LRIG3: variants seen among roughly 807,000 people sequenced by gnomAD.
The protein encoded by LRIG3 is leucine rich repeats and immunoglobulin like domains 3.
A neutral mutation model predicts 114.5 loss-of-function variants in LRIG3; 76 were observed. That is an observed-to-expected ratio of 0.66 (90% CI 0.55 to 0.80). LRIG3 has a LOEUF of 0.80. Among genes scored for constraint, LRIG3 ranks in the 30% least tolerant of loss-of-function variants. The probability of loss-of-function intolerance (pLI) is 0.00; values close to 1 mark genes in which losing one functional copy is unlikely to be tolerated. For missense variants in LRIG3, 1,239 were observed against 1,382.8 expected (o/e 0.90, Z 1.65); for synonymous variants, 512 against 519.8 (o/e 0.98, Z 0.20).
At chr12:58,906,226 T>A (rs1416799005) in intron 3 of LRIG3, among the ~76,000 whole-genome samples, 1 of 152,170 alleles carries the variant, frequency 6.6e-6, no homozygotes, top group Non-Finnish European at 1.5e-5. Context: ...ATAATTAATA[T>A]GAAAAACTGA....
At chr12:58,913,810 G>A in intron 3 of LRIG3, 172 bp downstream of exon 3, 1 of 570,934 alleles carries the variant, frequency 1.8e-6, no homozygotes, top group Non-Finnish European at 3.0e-6. Flanking sequence ...ATTTAGCAGT[G>A]AGAGAGTTAG....
chr12:58,907,675 TAAAC>T (rs1872117290), intron 3 of LRIG3, among the ~76,000 whole-genome samples: 1 of 152,186 alleles, frequency 6.6e-6, no homozygotes, highest in Non-Finnish European at 1.5e-5. Flanking sequence ...TTTTCACAGA[TAAAC>T]AAAGAAAAGT....
intron 1 of LRIG3, among the ~76,000 whole-genome samples, chr12:58,919,128 C>T (rs1872580389): frequency 6.6e-6 from 1 of 152,186 alleles, no homozygotes; most frequent in South Asian, 2.1e-4. Context: ...TTTTACAGCA[C>T]TCCAATTTTA....
In LRIG3 at chr12:58,887,741, T is replaced by A. The variant is rs1295310797; in HGVS notation, c.1091+48A>T. ...TCTGCTAGGAGAAAAGTGGGCATAT[T>A]TAGGAACCAATTACGTTCGAGTACT... On this transcript the variant is annotated intron_variant, in intron 8 of 18. Transcript: ENST00000320743. The A allele has an allele frequency of 3.8e-6, 6 of 1,595,190 alleles. No homozygotes were observed. In the Admixed American group the frequency reaches 8.5e-5, roughly 23 times the overall value.
At chr12:58,919,390 C>T (rs1447472624) in intron 1 of LRIG3, 2 of 1,551,482 alleles carry the variant, frequency 1.3e-6, no homozygotes, top group African/African-American at 1.4e-5. Flanking sequence ...TAGCTACCGA[C>T]CAGTCTTTAC....
chr12:58,907,508 G>A (rs914709629), intron 3 of LRIG3, among the ~76,000 whole-genome samples: 2 of 152,054 alleles, frequency 1.3e-5, no homozygotes, highest in African/African-American at 2.4e-5. Context: ...AATCCACTTT[G>A]GCCCACTGCC....
At chr12:58,909,519 T>C (rs1174038412) in intron 3 of LRIG3, among the ~76,000 whole-genome samples, 1 of 152,224 alleles carries the variant, frequency 6.6e-6, no homozygotes, top group Non-Finnish European at 1.5e-5. Flanking sequence ...CTGGGTGTCC[T>C]AGCACTTAAA....
In LRIG3 at chr12:58,886,869, A is replaced by C. The variant is rs774119971; in HGVS notation, c.1113T>G (p.Ile371Met). The C allele has an allele frequency of 6.2e-7, 1 of 1,613,488 alleles. No homozygotes were observed. The highest frequency in any genetic ancestry group is 2.2e-5 in the East Asian group (1 of 44,852). ...LKTLDLKNNE[I>M]SWTIEDMNGA... The stretch of plus-strand genomic sequence containing the variant: ...CATTCATGTCTTCAATAGTCCAGGA[A>C]ATTTCATTGTTCTTCAGATCCCTAA... The change falls in exon 9 of 19, where the codon ATT (isoleucine) becomes ATG (methionine). Residue 371 changes from isoleucine (I) to methionine (M), a missense_variant. Coordinates refer to ENST00000320743, the MANE Select transcript of LRIG3 (RefSeq NM_153377.5).
intron 3 of LRIG3, among the ~76,000 whole-genome samples, chr12:58,892,072 C>T (rs980815526): frequency 6.6e-6 from 1 of 151,492 alleles, no homozygotes; most frequent in African/African-American, 2.4e-5. Flanking sequence ...TTTCAAAGTT[C>T]TTCAAAAGTC....
Position 58,920,292 on chromosome 12 carries a change from C to G in LRIG3, c.-57G>C. ...GCTCCCAGCCGGCGCGCGCTCGGGG[C>G]CCGGCACAAACTTCCAGCCGAGGGT... On this transcript the variant is annotated 5_prime_UTR_variant, in exon 1 of 19. Transcript: ENST00000320743. 1 of 1,265,294 alleles carries G rather than the reference C, an allele frequency of 7.9e-7. No homozygotes were observed. 78.4% of individuals were successfully genotyped at this position (1,265,294 alleles called of 1,614,324 possible).
Position 58,877,413 on chromosome 12 carries a change from G to A in LRIG3, c.2523C>T (p.Ser841=). 1 of 1,613,814 alleles carries A rather than the reference G, an allele frequency of 6.2e-7. No individual in the cohort carries two copies. Among genetic ancestry groups the A allele is most frequent in the Non-Finnish European group, 8.5e-7 (1 of 1,179,766 alleles). ...YHTRRRNEDC[S]ITNTDETNLP... is the part of the protein sequence containing the mutation. ...CTGTTTACACACCTGTGTTGGTAAT[G>A]CTGCAATCTTCATTCCTCCGCCTTG... Residue 841 remains serine (S), a synonymous_variant, in exon 15 of 19, where the codon AGC becomes AGT. Coordinates refer to ENST00000320743, the MANE Select transcript of LRIG3 (RefSeq NM_153377.5).
chr12:58,908,410 G>A (rs982695050), intron 3 of LRIG3, among the ~76,000 whole-genome samples: 6 of 152,154 alleles, frequency 3.9e-5, no homozygotes, highest in Non-Finnish European at 8.8e-5. Flanking sequence ...GGGCACAGGG[G>A]CCGTGAAAAA....
intron 12 of LRIG3, 136 bp downstream of exon 12, chr12:58,882,733 G>C (rs545030685): frequency 1.2e-6 from 1 of 869,332 alleles, no homozygotes; most frequent in East Asian, 2.8e-5. Flanking sequence ...GCAAACTATA[G>C]ACCCATTTTC....
intron 3 of LRIG3, among the ~76,000 whole-genome samples, chr12:58,906,410 ATTACT>A (rs977948411): frequency 5.3e-5 from 8 of 152,122 alleles, no homozygotes; most frequent in South Asian, 2.1e-4. Flanking sequence ...AAATATCAAT[ATTACT>A]TTAAAGTTAT....
Position 58,888,567 on chromosome 12 carries a change from T to C in LRIG3, c.804-95A>G, listed in dbSNP as rs1292919954. On this transcript the variant is annotated intron_variant, in intron 6 of 18. Coordinates refer to ENST00000320743, the MANE Select transcript of LRIG3 (RefSeq NM_153377.5). ...GATTACAACCTATTACAGATTCCTA[T>C]TGTTATTAGATGTTTAGCTTTTGTT... The C allele has an allele frequency of 1.1e-5, 17 of 1,481,956 alleles. No individual in the cohort carries two copies. In the Admixed American group the frequency reaches 2.3e-4, roughly 20 times the overall value. 91.8% of individuals were successfully genotyped at this position (1,481,956 alleles called of 1,614,324 possible).
Position 58,886,824 on chromosome 12 carries a change from G to T in LRIG3, c.1158C>A (p.Asp386Glu). 6.2e-7 allele frequency: 1 copy of T among 1,613,514 alleles called. No individual in the cohort carries two copies. The highest frequency in any genetic ancestry group is 1.1e-5 in the South Asian group (1 of 91,034). ...TTCATACTCACAGTCGCCTCAGTTT[G>T]TCAAGCCCAGAGAAAGCACCATTCA... ...EDMNGAFSGLDKLRRLILQGN... is the reference protein window; with the variant it reads ...EDMNGAFSGLEKLRRLILQGN... The change falls in exon 9 of 19, where the codon GAC becomes GAA. Residue 386 changes from aspartate (D) to glutamate (E), a missense_variant. By Grantham distance (45) the Asp-to-Glu change is conservative (BLOSUM62 2). Coordinates refer to ENST00000320743, the MANE Select transcript of LRIG3 (RefSeq NM_153377.5).
At chr12:58,919,409 T>C (rs1413185474) in intron 1 of LRIG3, 5 of 1,551,590 alleles carry the variant, frequency 3.2e-6, no homozygotes, top group Non-Finnish European at 4.4e-6. Flanking sequence ...ACAATCTGGT[T>C]GAGGAGTGGG....
At chr12:58,883,148 C>T (rs4142996) in intron 11 of LRIG3, 116 bp from the exon 12 acceptor site, 14,705 of 956,844 alleles carry the variant, frequency 0.015, 284 homozygotes, top group East Asian at 0.081. Flanking sequence ...TACACACATC[C>T]CATGGAATAA....
chr12:58,895,236 G>A (rs1871598494), intron 3 of LRIG3, among the ~76,000 whole-genome samples: 1 of 152,204 alleles, frequency 6.6e-6, no homozygotes, highest in Admixed American at 6.5e-5. Flanking sequence ...GTCTAGTGGG[G>A]AGGATAGCAG....
Sources: allele counts gnomAD v4.1 joint callset (sites outside exome capture counted in the v4.1 genomes callset), GRCh38; gene constraint gnomAD v4.1.1; transcripts MANE v1.5; gene names NCBI Gene and HGNC (gene_info 2026-07-23, HGNC 2026-07-21).